Variants in GABRP observed in about 807,000 individuals in gnomAD.
GABRP encodes the protein gamma-aminobutyric acid type A receptor subunit pi, also known as gamma-aminobutyric acid receptor subunit pi.
GABRP carries 52 observed loss-of-function variants against 47.8 expected under a neutral mutation model. The observed-to-expected ratio is 1.09, with a 90% CI of 0.87 to 1.37. GABRP has a LOEUF of 1.37. GABRP is among the 40% of genes most tolerant of loss of function. The probability of loss-of-function intolerance (pLI) is 0.00; values close to 1 mark genes in which losing one functional copy is unlikely to be tolerated. For synonymous variants in GABRP, 221 were observed against 205.8 expected (o/e 1.07, Z -0.63); for missense variants, 525 against 542.8 (o/e 0.97, Z 0.33).
At position 170,812,130 on chromosome 5, in the gene GABRP, A is replaced by T; in HGVS notation, c.1195A>T (p.Met399Leu). 6.2e-7 allele frequency: 1 copy of T among 1,614,184 alleles called. No individual in the cohort carries two copies. The highest frequency in any genetic ancestry group is 8.5e-7 in the Non-Finnish European group (1 of 1,180,030). Residue 399 changes from methionine (M) to leucine (L), a missense_variant, in exon 10 of 10, where the codon ATG becomes TTG. Met to Leu is a conservative substitution (Grantham distance 15, BLOSUM62 2). Transcript: ENST00000265294. ...DKFKFVFREK[M>L]GRIVDYFTIQ... Reference sequence around the variant, plus strand: ...GTTCAAGTTTGTCTTCCGAGAAAAGATGGGCAGGATTGTTGATTATTTCAC... The same window carrying T: ...GTTCAAGTTTGTCTTCCGAGAAAAGTTGGGCAGGATTGTTGATTATTTCAC...
chr5:170,792,228 A>G (rs1358118049), intron 3 of GABRP, among the ~76,000 whole-genome samples: 1 of 152,154 alleles, frequency 6.6e-6, no homozygotes, highest in Non-Finnish European at 1.5e-5. Context: ...AGATCACCTG[A>G]GGTCAGGAGT....
Position 170,788,575 on chromosome 5 carries a change from T to A in GABRP, c.-41T>A. On this transcript the variant is annotated splice_region_variant and 5_prime_UTR_variant, in exon 2 of 10. Coordinates refer to ENST00000265294, the MANE Select transcript of GABRP (RefSeq NM_014211.3). ...CTTACCTTGCCCCCTGTTTCCCAGG[T>A]GATTCCTACTTCAGCCCCTTGGTGT... is the stretch of plus-strand genomic sequence containing the variant. The A allele has an allele frequency of 6.2e-7, 1 of 1,610,194 alleles. No individual in the cohort carries two copies.
At chr5:170,796,480 T>C (rs1240649201) in intron 5 of GABRP, among the ~76,000 whole-genome samples, 3 of 152,250 alleles carry the variant, frequency 2.0e-5, no homozygotes, top group Admixed American at 6.5e-5. Flanking sequence ...AGTGATGTTT[T>C]AATAGCCTGG....
chr5:170,788,423 G>A, intron 1 of GABRP, 151 bp from the exon 2 acceptor site: 2 of 532,840 alleles, frequency 3.8e-6, no homozygotes, highest in South Asian at 3.2e-5. Flanking sequence ...AACACAGGGA[G>A]AAGGAGCTGT....
chr5:170,800,394 A>G (rs1056510382), intron 6 of GABRP, among the ~76,000 whole-genome samples: 7 of 152,352 alleles, frequency 4.6e-5, no homozygotes, highest in South Asian at 4.1e-4. Flanking sequence ...AAACCCTAGA[A>G]GAAAACCTAA....
Position 170,789,204 on chromosome 5 carries a change from C to A in GABRP, c.129C>A (p.Asn43Lys), listed in dbSNP as rs1292580195. The change falls in exon 3 of 10, where the codon AAC becomes AAA. Residue 43 changes from asparagine (N) to lysine (K), a missense_variant. By Grantham distance (94) the Asn-to-Lys change is moderately conservative. Transcript: ENST00000265294. ...SDKLSLPGFE[N>K]LTAGYNKFLR... Reference sequence around the variant, plus strand: ...AGCTTTCCCTGCCTGGCTTTGAGAACCTCACAGCAGGATATAACAAATTTC... The same window carrying A: ...AGCTTTCCCTGCCTGGCTTTGAGAAACTCACAGCAGGATATAACAAATTTC... 16 of 1,613,992 alleles carry A rather than the reference C, an allele frequency of 9.9e-6. 1 individual carries two copies. Among genetic ancestry groups the A allele is most frequent in the Non-Finnish European group, 1.3e-5 (15 of 1,179,976 alleles).
Position 170,808,692 on chromosome 5 carries a change from G to A in GABRP, c.772G>A (p.Val258Met), listed in dbSNP as rs1409826344. 1.9e-6 allele frequency: 3 copies of A among 1,614,008 alleles called. No individual in the cohort carries two copies. The highest frequency in any genetic ancestry group is 2.5e-6 in the Non-Finnish European group (3 of 1,180,002). ...CTACGTTCCTTCCACTTTCCTGGTGGTGTTGTCCTGGGTTTCATTTTGGAT... is the reference window on the plus strand; with the variant it reads ...CTACGTTCCTTCCACTTTCCTGGTGATGTTGTCCTGGGTTTCATTTTGGAT... The part of the protein sequence containing the change: ...ETYVPSTFLV[V>M]LSWVSFWISL... Residue 258 changes from valine (V) to methionine (M), a missense_variant, in exon 8 of 10, where the codon GTG becomes ATG. By Grantham distance (21) the Val-to-Met change is conservative. Transcript: ENST00000265294.
chr5:170,809,884 C>G, intron 9 of GABRP, 129 bp downstream of exon 9: 1 of 890,572 alleles, frequency 1.1e-6, no homozygotes. Context: ...TGAGTCTTAT[C>G]CTTGTTCAGG....
At chr5:170,805,967 G>A (rs539418830) in intron 7 of GABRP, 114 bp downstream of exon 7, 16 of 1,162,102 alleles carry the variant, frequency 1.4e-5, no homozygotes, top group South Asian at 5.9e-5. Context: ...GCAGTGGAGC[G>A]GGACAGTAGG....
chr5:170,801,006 T>C (rs116278207), intron 6 of GABRP, among the ~76,000 whole-genome samples: 1,833 of 152,344 alleles, frequency 0.012, 51 homozygotes, highest in African/African-American at 0.036. Context: ...GTAGCATCCA[T>C]TTAACAATTA....
At chr5:170,788,738 G>T in intron 2 of GABRP, 70 bp downstream of exon 2, 1 of 1,434,922 alleles carries the variant, frequency 7.0e-7, no homozygotes, top group Non-Finnish European at 9.8e-7. Flanking sequence ...GTGGGAGGGG[G>T]CAGCTCCTCC....
chr5:170,809,452 T>C (rs1765824105), intron 8 of GABRP, 116 bp from the exon 9 acceptor site: 1 of 938,298 alleles, frequency 1.1e-6, no homozygotes, highest in Non-Finnish European at 1.7e-6. Context: ...ATGAGATGCA[T>C]TCCATTTCTG....
At chr5:170,810,447 G>C (rs1457341104) in intron 9 of GABRP, among the ~76,000 whole-genome samples, 1 of 152,196 alleles carries the variant, frequency 6.6e-6, no homozygotes, top group South Asian at 2.1e-4. Context: ...ACTTACCGCA[G>C]GGGATATAGA....
intron 6 of GABRP, among the ~76,000 whole-genome samples, chr5:170,801,052 C>A (rs1216481415): frequency 1.3e-5 from 2 of 152,218 alleles, no homozygotes; most frequent in East Asian, 3.8e-4. Context: ...AGACACCTTG[C>A]AAACAATCCT....
intron 4 of GABRP, 71 bp downstream of exon 4, chr5:170,794,369 GC>G (rs1187416319): frequency 2.0e-6 from 1 of 512,362 alleles, no homozygotes; most frequent in East Asian, 3.7e-5. Flanking sequence ...ATGCTTTCTA[GC>G]CGCTCAAAAA....
intron 9 of GABRP, among the ~76,000 whole-genome samples, chr5:170,811,444 T>G (rs1765881033): frequency 6.6e-6 from 1 of 151,984 alleles, no homozygotes; most frequent in South Asian, 2.1e-4. Context: ...TGATTTCTAT[T>G]ATCTCTCGTA....
chr5:170,787,252 A>C (rs1460579034), intron 1 of GABRP, among the ~76,000 whole-genome samples: 3 of 152,252 alleles, frequency 2.0e-5, no homozygotes, highest in Non-Finnish European at 4.4e-5. Context: ...CCTAAGCTCC[A>C]GAATGGCCAG....
Position 170,812,606 on chromosome 5 carries a change from A to T in GABRP, c.*348A>T, listed in dbSNP as rs1765919417. 1 of 203,702 alleles carries T rather than the reference A, an allele frequency of 4.9e-6. No individual in the cohort carries two copies. Among genetic ancestry groups the T allele is most frequent in the African/African-American group, 2.3e-5 (1 of 43,444 alleles). 12.6% of individuals were successfully genotyped at this position (203,702 alleles called of 1,614,324 possible). ...AGAATGGGAAGGAGACCATTGGGTA[A>T]CCCTCAAGTGTCAGAAGTTGTTTCT... On this transcript the variant is annotated 3_prime_UTR_variant, in exon 10 of 10. Coordinates refer to ENST00000265294, the MANE Select transcript of GABRP (RefSeq NM_014211.3).
Position 170,812,648 on chromosome 5 carries a change from T to C in GABRP, c.*390T>C. 5.7e-6 allele frequency: 1 copy of C among 174,348 alleles called. No homozygotes were observed. Among genetic ancestry groups the C allele is most frequent in the South Asian group, 1.4e-4 (1 of 7,006 alleles). 10.8% of individuals were successfully genotyped at this position (174,348 alleles called of 1,614,324 possible). On this transcript the variant is annotated 3_prime_UTR_variant, in exon 10 of 10. Transcript: ENST00000265294. ...GTTGTTTCTAAAGTAACTATACATG[T>C]TTTTTACTAAATCTCTGCAGTGCTT...
Sources: gnomAD v4.1 joint callset for allele counts (sites outside exome capture counted in the v4.1 genomes callset) on GRCh38, gnomAD v4.1.1 for gene constraint, MANE v1.5 for transcripts, NCBI Gene and HGNC (gene_info 2026-07-23, HGNC 2026-07-21) for gene names.